The following ENDOD1 variants were observed in gnomAD, a reference collection of about 807,000 sequenced individuals.
ENDOD1 encodes endonuclease domain containing 1, also known as endonuclease domain-containing 1 protein.
A neutral mutation model predicts 6.5 loss-of-function variants in ENDOD1; 9 were observed. That is an observed-to-expected ratio of 1.39 (90% confidence interval 0.84 to 2.43). The LOEUF is 2.43. Among genes scored for constraint, ENDOD1 ranks in the 30% most tolerant of loss-of-function variants. The pLI, the probability that ENDOD1 is intolerant of heterozygous loss-of-function variation, is 0.00. For missense variants in ENDOD1, 648 were observed against 635.5 expected, an observed-to-expected ratio of 1.02 and a Z score of -0.21; for synonymous variants, 255 against 255.2, an observed-to-expected ratio of 1.00 and a Z score of 0.01.
At chr11:95,101,644 A>G (rs1208635541) in intron 1 of ENDOD1, among the ~76,000 whole-genome samples, 1 of 152,204 alleles carries the variant, frequency 6.6e-6, no homozygotes, top group Non-Finnish European at 1.5e-5. Context: ...GTGTGTATTT[A>G]TGTAACATTC....
At chr11:95,092,097 A>G (rs1337624783) in intron 1 of ENDOD1, among the ~76,000 whole-genome samples, 1 of 152,102 alleles carries the variant, frequency 6.6e-6, no homozygotes, top group Non-Finnish European at 1.5e-5. Context: ...GGTCAGGATG[A>G]CATTTCTGCT....
At chr11:95,108,319 G>A (rs75970209) in intron 1 of ENDOD1, among the ~76,000 whole-genome samples, 4,927 of 152,208 alleles carry the variant, frequency 0.032, 110 homozygotes, top group Non-Finnish European at 0.044. Context: ...CTACGGGTGT[G>A]CACAGCACAG....
At chr11:95,098,989 G>A (rs1300336714) in intron 1 of ENDOD1, among the ~76,000 whole-genome samples, 2 of 152,158 alleles carry the variant, frequency 1.3e-5, no homozygotes, top group Non-Finnish European at 2.9e-5. Context: ...ATTTTATAGA[G>A]GGTGTGTTTC....
At chr11:95,108,933 C>T (rs540881869) in intron 1 of ENDOD1, among the ~76,000 whole-genome samples, 49 of 152,146 alleles carry the variant, frequency 3.2e-4, no homozygotes, top group Non-Finnish European at 5.3e-4. Context: ...CAGCTGCACC[C>T]ACGATCTTTT....
intron 1 of ENDOD1, among the ~76,000 whole-genome samples, chr11:95,100,568 A>G (rs552757609): frequency 2.1e-4 from 32 of 152,230 alleles, no homozygotes; most frequent in African/African-American, 7.5e-4. Flanking sequence ...AGCTCACTGC[A>G]GCCTCTGCCT....
intron 1 of ENDOD1, among the ~76,000 whole-genome samples, chr11:95,117,786 C>A (rs557695261): frequency 1.3e-5 from 2 of 152,018 alleles, no homozygotes; most frequent in African/African-American, 2.4e-5. Flanking sequence ...TAAGGACTTA[C>A]CCCTGCCATT....
At chr11:95,094,018 G>A (rs946352411) in intron 1 of ENDOD1, among the ~76,000 whole-genome samples, 3 of 151,938 alleles carry the variant, frequency 2.0e-5, no homozygotes, top group African/African-American at 7.3e-5. Flanking sequence ...AGAATTTTTA[G>A]ATAAGATGCC....
intron 1 of ENDOD1, among the ~76,000 whole-genome samples, chr11:95,104,779 G>A (rs115004237): frequency 0.013 from 2,015 of 152,286 alleles, 38 homozygotes; most frequent in African/African-American, 0.046. Context: ...GGGTCCCACA[G>A]AGTCTTCAGG....
chr11:95,090,291 C>T, intron 1 of ENDOD1, 64 bp downstream of exon 1: 1 of 1,347,350 alleles, frequency 7.4e-7, no homozygotes. Flanking sequence ...GACATGCCCC[C>T]AGTTGCAGCT....
rs768173265 is a variant in ENDOD1 at position 95,128,628 on chromosome 11, G to A, written c.552G>A (p.Arg184=). 9.3e-6 allele frequency: 15 copies of A among 1,614,058 alleles called. No homozygotes were observed. In the South Asian group the frequency reaches 1.6e-4, roughly 18 times the overall value. ...WYVNLHSLMD[R]ALTPQCGSGE... ...TGAATCTCCACAGCCTAATGGACCG[G>A]GCTTTGACCCCACAGTGTGGCAGTG... Residue 184 remains arginine, a synonymous_variant, in exon 2 of 2, where the codon CGG becomes CGA. Transcript: ENST00000278505.
chr11:95,126,796 T>A (rs1859316348), intron 1 of ENDOD1, among the ~76,000 whole-genome samples: 1 of 152,178 alleles, frequency 6.6e-6, no homozygotes, highest in Non-Finnish European at 1.5e-5. Context: ...TTCTGCCACC[T>A]TAGCCTCCTG....
intron 1 of ENDOD1, among the ~76,000 whole-genome samples, chr11:95,099,858 C>G (rs641937): frequency 0.77 from 116,973 of 152,038 alleles, 45,805 homozygotes; most frequent in East Asian, 0.89. Context: ...GTGTTTATAA[C>G]TAAGGGATCC....
chr11:95,131,390 T>C lies in ENDOD1; in HGVS notation c.*1811T>C, dbSNP rs908290977. The C allele has an allele frequency of 6.6e-6, 1 of 152,178 alleles. No homozygotes were observed. Among genetic ancestry groups the C allele is most frequent in the African/African-American group, 2.4e-5 (1 of 41,426 alleles). The allele number at this position is 152,178 out of a possible 1,614,324, so 9.4% of individuals were successfully genotyped here. On this transcript the variant is annotated 3_prime_UTR_variant, in exon 2 of 2. Coordinates refer to ENST00000278505, the MANE Select transcript of ENDOD1 (RefSeq NM_015036.3). ...GGATAAAGAAAAGGAATTTTAGAAG[T>C]GACCAGAGGGACAGTCCAGCCAAAC... is the stretch of plus-strand genomic sequence containing the variant.
At chr11:95,108,758 G>A (rs1047556565) in intron 1 of ENDOD1, among the ~76,000 whole-genome samples, 13 of 152,100 alleles carry the variant, frequency 8.5e-5, no homozygotes, top group African/African-American at 3.1e-4. Context: ...CTCCATTGTT[G>A]AAAGGCAGCA....
In ENDOD1 at chr11:95,102,770, A is replaced by G. The variant is rs113821278; in HGVS notation, c.300+12543A>G. 4.0e-3 allele frequency among the ~76,000 whole-genome samples: 611 copies of G among 152,340 alleles called. 2 individuals carry two copies. Among genetic ancestry groups the G allele is most frequent in the Non-Finnish European group, 6.4e-3 (433 of 68,028 alleles). ...AAAATGAGAGTTATTATGTTACGGA[A>G]AAGAGTTAAGGGCTGTTAAGTCCCC... On this transcript the variant is annotated intron_variant, in intron 1 of 1. Transcript: ENST00000278505.
Position 95,129,180 on chromosome 11 carries a change from G to A in ENDOD1, c.1104G>A (p.Val368=). 1 of 1,614,160 alleles carries A rather than the reference G, an allele frequency of 6.2e-7. No individual in the cohort carries two copies. The highest frequency in any genetic ancestry group is 1.6e-4 in the Middle Eastern group (1 of 6,062). ...TCCTGTGGTGTGTTACCAAGCAGGT[G>A]ATTAATGGCATAGAAAGTTGCCTTT... ...VYFLWCVTKQ[V]INGIESCLYR... The change falls in exon 2 of 2, where the codon GTG becomes GTA. Residue 368 remains valine, a synonymous_variant. Coordinates refer to ENST00000278505, the MANE Select transcript of ENDOD1 (RefSeq NM_015036.3).
At position 95,130,602 on chromosome 11, in the gene ENDOD1, A is replaced by G. The variant is rs1175564884; in HGVS notation, c.*1023A>G. 6.6e-6 allele frequency: 1 copy of G among 152,214 alleles called. No homozygotes were observed. The highest frequency in any genetic ancestry group is 2.4e-5 in the African/African-American group (1 of 41,472). 9.4% of individuals were successfully genotyped at this position (152,214 alleles called of 1,614,324 possible). On this transcript the variant is annotated 3_prime_UTR_variant, in exon 2 of 2. Transcript: ENST00000278505. Reference sequence around the variant, plus strand: ...TAAAAATACTCTGACTTATGTCCCTAAATGGTTGTTTTGATACAACTATAT... The same window carrying G: ...TAAAAATACTCTGACTTATGTCCCTGAATGGTTGTTTTGATACAACTATAT...
Position 95,128,364 on chromosome 11 carries a change from T to TTTC in ENDOD1, c.301-7_301-5dup, listed in dbSNP as rs1859331752. On this transcript the variant is annotated splice_polypyrimidine_tract_variant and intron_variant, in intron 1 of 1. Transcript: ENST00000278505. Reference sequence around the variant, plus strand: ...AGCAGGGATGCATCTCACCACTTGTTTTCTTCTTGCAGATCGATGACCCCA... The same window carrying TTTC: ...AGCAGGGATGCATCTCACCACTTGTTTTCTTCTTCTTGCAGATCGATGACCCCA... 6.2e-7 allele frequency: 1 copy of TTTC among 1,605,058 alleles called. No homozygotes were observed. The highest frequency in any genetic ancestry group is 1.1e-5 in the South Asian group (1 of 89,174).
rs139886057 is a variant in ENDOD1, at chr11:95,109,213, A to G, written c.300+18986A>G. 2.0e-4 allele frequency among the ~76,000 whole-genome samples: 30 copies of G among 152,282 alleles called. 1 individual carries two copies. Among genetic ancestry groups the G allele is most frequent in the African/African-American group, 6.7e-4 (28 of 41,568 alleles). On this transcript the variant is annotated intron_variant, in intron 1 of 1. Coordinates refer to ENST00000278505, the MANE Select transcript of ENDOD1 (RefSeq NM_015036.3). ...GGATCTTGTCGGAATCATCCCCTAC[A>G]TGTGCTTATCTAGCCTCAGCTTAAA...
Sources: allele counts gnomAD v4.1 joint callset (sites outside exome capture counted in the v4.1 genomes callset), GRCh38; gene constraint gnomAD v4.1.1; transcripts MANE v1.5; gene names NCBI Gene and HGNC (gene_info 2026-07-23, HGNC 2026-07-21).